Variants in ATXN10 observed in about 807,000 individuals in gnomAD.
The protein encoded by ATXN10 is ataxin-10.
A neutral mutation model predicts 52.9 loss-of-function variants in ATXN10; 28 were observed. The ratio of observed to expected loss-of-function variants is 0.53; its 90% CI spans 0.39 to 0.73. The LOEUF is 0.73. Among genes scored for constraint, ATXN10 ranks in the 30% least tolerant of loss-of-function variants. The pLI is 0.00. For synonymous variants in ATXN10, 226 were observed against 221.5 expected (o/e 1.02, Z -0.18); for missense variants, 565 against 577.0 (o/e 0.98, Z 0.21).
intron 6 of ATXN10, among the ~76,000 whole-genome samples, chr22:45,720,897 G>T (rs904366638): frequency 6.6e-6 from 1 of 152,162 alleles, no homozygotes; most frequent in Non-Finnish European, 1.5e-5. Context: ...TTTGGTGAGG[G>T]CTCTCTTGCT....
chr22:45,774,327 C>G lies in ATXN10; in HGVS notation c.1174-32632C>G, dbSNP rs1012704227. On this transcript the variant is annotated intron_variant, in intron 9 of 11. Coordinates refer to ENST00000252934, the MANE Select transcript of ATXN10 (RefSeq NM_013236.4). This position sits in a 1 kb window ranked among gnomAD's most constrained non-coding sequence, Gnocchi z 6.2. ...CACCTGTCTGGAATGGCAGCCTGTC[C>G]CTACCAGTCCCTGCATCGCTATTTT... is the stretch of plus-strand genomic sequence containing the variant. Among the ~76,000 whole-genome samples the G allele has an allele frequency of 1.2e-4, 19 of 152,324 alleles. No individual in the cohort carries two copies. The highest frequency in any genetic ancestry group is 2.1e-4 in the Non-Finnish European group (14 of 68,030).
At chr22:45,694,078 A>G (rs1923490713) in intron 3 of ATXN10, among the ~76,000 whole-genome samples, 1 of 152,132 alleles carries the variant, frequency 6.6e-6, no homozygotes, top group South Asian at 2.1e-4. Flanking sequence ...GGGGAACCAC[A>G]TGTTAAGTGT....
intron 7 of ATXN10, among the ~76,000 whole-genome samples, chr22:45,738,148 A>G (rs73441193): frequency 0.013 from 1,974 of 152,276 alleles, 47 homozygotes; most frequent in African/African-American, 0.045. Flanking sequence ...TATTTGATAA[A>G]TTATTTAGTA....
chr22:45,756,529 G>A (rs965131521), intron 9 of ATXN10, among the ~76,000 whole-genome samples: 10 of 152,194 alleles, frequency 6.6e-5, no homozygotes, highest in African/African-American at 9.7e-5. Flanking sequence ...AGAGGAAATT[G>A]TGTACCAACT....
chr22:45,779,258 T>C (rs555230839), intron 9 of ATXN10, among the ~76,000 whole-genome samples: 1 of 152,332 alleles, frequency 6.6e-6, no homozygotes, highest in South Asian at 2.1e-4. Flanking sequence ...CGAGAAATTA[T>C]CAATTTCTTC....
intron 9 of ATXN10, among the ~76,000 whole-genome samples, chr22:45,778,075 A>C (rs1004310548): frequency 1.3e-5 from 2 of 152,160 alleles, no homozygotes; most frequent in South Asian, 2.1e-4. Flanking sequence ...TGCAGTGGAG[A>C]CCGTATGGTT....
At chr22:45,722,181 T>G (rs1165152234) in intron 6 of ATXN10, among the ~76,000 whole-genome samples, 1 of 152,214 alleles carries the variant, frequency 6.6e-6, no homozygotes, top group East Asian at 1.9e-4. Context: ...CTAACCCCTT[T>G]AGCTGGGTCT....
At chr22:45,707,275 C>T (rs1924079930) in intron 5 of ATXN10, among the ~76,000 whole-genome samples, 1 of 152,138 alleles carries the variant, frequency 6.6e-6, no homozygotes. Flanking sequence ...GAGGTATGAG[C>T]TTTTTCAATT....
intron 9 of ATXN10, chr22:45,792,907 T>C (rs565924977): frequency 2.6e-5 from 12 of 468,690 alleles, no homozygotes; most frequent in East Asian, 5.5e-5. Context: ...TTGGCTGTTA[T>C]ACCTACATAG....
At chr22:45,812,591 C>G (rs1367037180) in intron 10 of ATXN10, among the ~76,000 whole-genome samples, 1 of 152,112 alleles carries the variant, frequency 6.6e-6, no homozygotes, top group African/African-American at 2.4e-5. Context: ...TGGTTTAACC[C>G]ATTTTTCTAG....
At position 45,828,200 on chromosome 22, in the gene ATXN10, AAAAG is replaced by A; in HGVS notation, c.1238-14787_1238-14784del. Reference sequence around the variant, plus strand: ...GCCCCATCTCTATTAAAAACTTTAAAAAAGAAAAAAAAAAGAAGAAAAAAATATT... The same window carrying A: ...GCCCCATCTCTATTAAAAACTTTAAAAAAAAAAAAAGAAGAAAAAAATATT... On this transcript the variant is annotated intron_variant, in intron 10 of 11. Coordinates refer to ENST00000252934, the MANE Select transcript of ATXN10 (RefSeq NM_013236.4). The surrounding 1 kb of genome is among the most constrained non-coding windows in gnomAD (Gnocchi z 4.5). Among the ~76,000 whole-genome samples the A allele has an allele frequency of 6.6e-6, 1 of 151,778 alleles. No individual in the cohort carries two copies. Among genetic ancestry groups the A allele is most frequent in the Middle Eastern group, 3.4e-3 (1 of 294 alleles).
intron 6 of ATXN10, among the ~76,000 whole-genome samples, chr22:45,721,919 A>AAAAACAAAAC (rs61512720): frequency 6.6e-6 from 1 of 152,148 alleles, no homozygotes; most frequent in African/African-American, 2.4e-5. Flanking sequence ...TGTCACATGA[A>AAAAACAAAAC]AAAACAAAAC....
chr22:45,794,784 T>C (rs1927650690), intron 9 of ATXN10, among the ~76,000 whole-genome samples: 1 of 152,208 alleles, frequency 6.6e-6, no homozygotes, highest in Admixed American at 6.5e-5. Context: ...TAAGAAATGT[T>C]AAATGAAGTT....
At chr22:45,746,913 G>C (rs1295578983) in intron 9 of ATXN10, among the ~76,000 whole-genome samples, 1 of 152,086 alleles carries the variant, frequency 6.6e-6, no homozygotes, top group East Asian at 1.9e-4. Flanking sequence ...TAAGTGTTTA[G>C]TGTGATACAC....
intron 9 of ATXN10, among the ~76,000 whole-genome samples, chr22:45,796,933 A>G (rs1158499097): frequency 2.0e-5 from 3 of 152,250 alleles, no homozygotes; most frequent in Non-Finnish European, 4.4e-5. Context: ...TGGAGTGGCT[A>G]TATTAATATT....
rs1927322969 is a variant in ATXN10 at position 45,786,353 on chromosome 22, C to T, written c.1174-20606C>T. Reference sequence around the variant, plus strand: ...ACTGTAGTATCATTCTCTCTGGATTCCTTTCTTTTTGGAGGTGTCATGGGG... The same window carrying T: ...ACTGTAGTATCATTCTCTCTGGATTTCTTTCTTTTTGGAGGTGTCATGGGG... On this transcript the variant is annotated intron_variant, in intron 9 of 11. Transcript: ENST00000252934. This position sits in a 1 kb window ranked among gnomAD's most constrained non-coding sequence, Gnocchi z 4.1. Among the ~76,000 whole-genome samples the T allele has an allele frequency of 6.6e-6, 1 of 152,184 alleles. No homozygotes were observed. The highest frequency in any genetic ancestry group is 1.5e-5 in the Non-Finnish European group (1 of 68,026).
intron 1 of ATXN10, among the ~76,000 whole-genome samples, chr22:45,685,809 A>G (rs1326110273): frequency 6.6e-6 from 1 of 152,230 alleles, no homozygotes; most frequent in Non-Finnish European, 1.5e-5. Flanking sequence ...AATAGAAGCT[A>G]TAGATATTTA....
intron 6 of ATXN10, among the ~76,000 whole-genome samples, chr22:45,723,662 A>G (rs1269925864): frequency 6.6e-6 from 1 of 152,146 alleles, no homozygotes; most frequent in East Asian, 1.9e-4. Context: ...TTCACTTAGA[A>G]TAATGGCCTC....
In ATXN10 at chr22:45,672,074, C is replaced by G. The variant is rs1031081956; in HGVS notation, c.11C>G (p.Pro4Arg). 6.5e-6 allele frequency: 10 copies of G among 1,537,420 alleles called. No homozygotes were observed. In the African/African-American group the frequency reaches 1.2e-4, roughly 19 times the overall value. Residue 4 changes from proline to arginine, a missense_variant, in exon 1 of 12, where the codon CCC (proline) becomes CGC (arginine). Transcript: ENST00000252934. MAA[P>R]RPPPARLSGV... ...GCTGTGAGCGGCAAGATGGCGGCGC[C>G]CAGGCCGCCGCCTGCCAGGCTGTCG...
Sources: allele counts gnomAD v4.1 joint callset (sites outside exome capture counted in the v4.1 genomes callset), GRCh38; gene constraint gnomAD v4.1.1; non-coding constraint Gnocchi (gnomAD v3.1); transcripts MANE v1.5; gene names NCBI Gene and HGNC (gene_info 2026-07-23, HGNC 2026-07-21).